The following NEFH variants were observed in gnomAD, a reference collection of about 807,000 sequenced individuals.
NEFH encodes neurofilament heavy chain.
In NEFH, 58 loss-of-function variants were observed where a neutral mutation model predicts 56.6. That is an observed-to-expected ratio of 1.03 (90% CI 0.83 to 1.28). NEFH has a LOEUF of 1.28. NEFH is among the 50% of genes most tolerant of loss of function. The pLI, the probability that NEFH is intolerant of heterozygous loss-of-function variation, is 0.00. For missense variants in NEFH, 1,221 were observed against 1,307.6 expected, an observed-to-expected ratio of 0.93 and a Z score of 1.02; for synonymous variants, 542 against 545.8, an observed-to-expected ratio of 0.99 and a Z score of 0.10.
chr22:29,483,662 A>T, intron 2 of NEFH, 88 bp downstream of exon 2: 5 of 1,283,074 alleles, frequency 3.9e-6, no homozygotes, highest in Non-Finnish European at 5.5e-6. Context: ...GTGGGGTTGT[A>T]GTGGTTAAGA....
rs986235145 is a variant in NEFH at position 29,480,857 on chromosome 22, G to A, written c.595G>A (p.Ala199Thr). Residue 199 changes from alanine (A) to threonine (T), a missense_variant, in exon 1 of 4, where the codon GCC becomes ACC. Ala to Thr is a moderately conservative substitution (Grantham distance 58, BLOSUM62 0). Around this residue, in one of 4 missense-constraint regions of NEFH, gnomAD observed 640 missense variants for 555.5 expected, o/e 1.15. Transcript: ENST00000310624. ...GCAGCGAGAGGAGGCCGAGGCGGCGGCCCGCGCGCTGGCGCGCTTCGCGCA... is the reference window on the plus strand; with the variant it reads ...GCAGCGAGAGGAGGCCGAGGCGGCGACCCGCGCGCTGGCGCGCTTCGCGCA... ...ARQREEAEAA[A>T]RALARFAQEA... The A allele has an allele frequency of 2.9e-6, 4 of 1,396,388 alleles. No individual in the cohort carries two copies. The African/African-American group carries it at 6.1e-5, about 21-fold the overall frequency. The allele number at this position is 1,396,388 out of a possible 1,614,324, so 86.5% of individuals were successfully genotyped here.
chr22:29,480,761 C>G lies in NEFH; in HGVS notation c.499C>G (p.Leu167Val). 8 of 1,448,050 alleles carry G rather than the reference C, an allele frequency of 5.5e-6. No individual in the cohort carries two copies. In the South Asian group the frequency reaches 1.1e-4, roughly 20 times the overall value. 89.7% of individuals were successfully genotyped at this position (1,448,050 alleles called of 1,614,324 possible). The change falls in exon 1 of 4, where the codon CTA becomes GTA. Residue 167 changes from leucine to valine, a missense_variant. This residue lies in a region of NEFH where 640 missense variants were observed against 555.5 expected (regional missense o/e 1.15). Transcript: ENST00000310624. ...GCGCCTGGGCGCGGCGCGCGGTCAG[C>G]TACGCCTGGAGCAGGAGCACCTGCT... The part of the protein sequence containing the change: ...VLRLGAARGQ[L>V]RLEQEHLLED...
Position 29,488,961 on chromosome 22 carries a change from G to C in NEFH, c.1321G>C (p.Glu441Gln). ...GTCCACTCACATAAAGGTGAAAAGC[G>C]AAGAGAAGATCAAAGTGGTGGAGAA... ...SVSTHIKVKS[E>Q]EKIKVVEKSE... The change falls in exon 4 of 4, where the codon GAA becomes CAA. Residue 441 changes from glutamate (E) to glutamine (Q), a missense_variant. By Grantham distance (29) the Glu-to-Gln change is conservative (BLOSUM62 2). Transcript: ENST00000310624. 6.2e-7 allele frequency: 1 copy of C among 1,614,174 alleles called. No homozygotes were observed. Among genetic ancestry groups the C allele is most frequent in the African/African-American group, 1.3e-5 (1 of 75,036 alleles).
At position 29,480,589 on chromosome 22, in the gene NEFH, C is replaced by G. The variant is rs758669150; in HGVS notation, c.327C>G (p.Ala109=). The G allele has an allele frequency of 6.4e-7, 1 of 1,559,230 alleles. No individual in the cohort carries two copies. The highest frequency in any genetic ancestry group is 1.3e-5 in the African/African-American group (1 of 74,398). ...EQLQALNDRF[A]GYIDKVRQLE... ...TGCAGGCGCTGAACGACCGCTTCGC[C>G]GGGTACATCGACAAGGTGCGGCAGC... Residue 109 remains alanine, a synonymous_variant, in exon 1 of 4, where the codon GCC becomes GCG. Transcript: ENST00000310624.
At chr22:29,485,619 G>A in intron 2 of NEFH, 104 bp from the exon 3 acceptor site, 1 of 1,457,028 alleles carries the variant, frequency 6.9e-7, no homozygotes, top group East Asian at 2.5e-5. Context: ...CAGTGAGCCT[G>A]GCTGGATGGG....
In NEFH at chr22:29,481,168, G is replaced by C. The variant is rs765145824; in HGVS notation, c.883+23G>C. On this transcript the variant is annotated intron_variant, in intron 1 of 3. Transcript: ENST00000310624. ...GAGGTACGCAGGCGCGCGGGTGGGG[G>C]GAGGGGCGCCCCTGCTGACCCCGCA... 6 of 1,516,228 alleles carry C rather than the reference G, an allele frequency of 4.0e-6. No individual in the cohort carries two copies. In the South Asian group the frequency reaches 6.0e-5, roughly 15 times the overall value. 93.9% of individuals were successfully genotyped at this position (1,516,228 alleles called of 1,614,324 possible). A position where few individuals can be genotyped will look rare whatever the true frequency, so the allele number is the denominator to read the frequency against.
chr22:29,480,949 C>T lies in NEFH; in HGVS notation c.687C>T (p.Tyr229=), dbSNP rs531610607. The T allele has an allele frequency of 6.5e-7, 1 of 1,530,198 alleles. No individual in the cohort carries two copies. The highest frequency in any genetic ancestry group is 1.2e-5 in the South Asian group (1 of 83,718). 94.8% of individuals were successfully genotyped at this position (1,530,198 alleles called of 1,614,324 possible). The change falls in exon 1 of 4, where the codon TAC becomes TAT. Residue 229 remains tyrosine (Y), a synonymous_variant. Coordinates refer to ENST00000310624, the MANE Select transcript of NEFH (RefSeq NM_021076.4). ...AGGCGCTGCAGGAGGAGTGCGGCTA[C>T]CTGCGGCGCCACCACCAGGAAGAGG... ...KAQALQEECG[Y]LRRHHQEEVG...
At chr22:29,484,377 T>G (rs920087735) in intron 2 of NEFH, among the ~76,000 whole-genome samples, 10 of 152,060 alleles carry the variant, frequency 6.6e-5, no homozygotes, top group Admixed American at 6.6e-4. Context: ...TAGTGGCTCA[T>G]GCCTGTAATC....
At position 29,481,018 on chromosome 22, in the gene NEFH, G is replaced by A; in HGVS notation, c.756G>A (p.Gln252=). The change falls in exon 1 of 4, where the codon CAG becomes CAA. Residue 252 remains glutamine, a synonymous_variant. Coordinates refer to ENST00000310624, the MANE Select transcript of NEFH (RefSeq NM_021076.4). ...LGQIQGSGAA[Q]AQMQAETRDA... Reference sequence around the variant, plus strand: ...AGATCCAGGGCTCCGGCGCCGCGCAGGCGCAGATGCAGGCCGAGACGCGCG... The same window carrying A: ...AGATCCAGGGCTCCGGCGCCGCGCAAGCGCAGATGCAGGCCGAGACGCGCG... The A allele has an allele frequency of 6.5e-7, 1 of 1,531,784 alleles. No homozygotes were observed. Among genetic ancestry groups the A allele is most frequent in the Non-Finnish European group, 8.7e-7 (1 of 1,145,490 alleles). The allele number at this position is 1,531,784 out of a possible 1,614,324, so 94.9% of individuals were successfully genotyped here.
intron 2 of NEFH, 99 bp downstream of exon 2, chr22:29,483,673 T>C (rs1004871512): frequency 8.2e-6 from 10 of 1,212,280 alleles, no homozygotes; most frequent in South Asian, 6.4e-5. Flanking sequence ...GTGGTTAAGA[T>C]TGTGGCCCTT....
chr22:29,483,726 A>G, intron 2 of NEFH, 152 bp downstream of exon 2: 1 of 625,200 alleles, frequency 1.6e-6, no homozygotes, highest in Non-Finnish European at 2.8e-6. Flanking sequence ...TGACCCTAGG[A>G]AAGTTATCTA....
In NEFH at chr22:29,480,847, C is replaced by G; in HGVS notation, c.585C>G (p.Ala195=). 1 of 1,394,424 alleles carries G rather than the reference C, an allele frequency of 7.2e-7. No homozygotes were observed. The highest frequency in any genetic ancestry group is 9.2e-7 in the Non-Finnish European group (1 of 1,086,924). The allele number at this position is 1,394,424 out of a possible 1,614,324, so 86.4% of individuals were successfully genotyped here. Residue 195 remains alanine (A), a synonymous_variant, in exon 1 of 4, where the codon GCC becomes GCG. Coordinates refer to ENST00000310624, the MANE Select transcript of NEFH (RefSeq NM_021076.4). The part of the protein sequence containing the change: ...LDDEARQREE[A]EAAARALARF... ...ACGAGGCCCGGCAGCGAGAGGAGGCCGAGGCGGCGGCCCGCGCGCTGGCGC... is the reference window on the plus strand; with the variant it reads ...ACGAGGCCCGGCAGCGAGAGGAGGCGGAGGCGGCGGCCCGCGCGCTGGCGC...
At chr22:29,482,274 A>G (rs1463784336) in intron 1 of NEFH, among the ~76,000 whole-genome samples, 4 of 152,140 alleles carry the variant, frequency 2.6e-5, no homozygotes, top group Non-Finnish European at 5.9e-5. Flanking sequence ...TGCCAGTCGT[A>G]GGGGCAGACG....
chr22:29,486,894 A>G (rs567578337), intron 3 of NEFH, among the ~76,000 whole-genome samples: 1 of 152,314 alleles, frequency 6.6e-6, no homozygotes, highest in African/African-American at 2.4e-5. Context: ...TCCCCTCCCC[A>G]GATCCAGCCA....
chr22:29,480,714 G>A lies in NEFH; in HGVS notation c.452G>A (p.Arg151His), dbSNP rs1213661506. The change falls in exon 1 of 4, where the codon CGC becomes CAC. Residue 151 changes from arginine (R) to histidine (H), a missense_variant. By Grantham distance (29) the Arg-to-His change is conservative (BLOSUM62 0). This residue lies in a region of NEFH where 640 missense variants were observed against 555.5 expected (regional missense o/e 1.15). Transcript: ENST00000310624. Reference sequence around the variant, plus strand: ...GGCGAGCTGTACGAGCGCGAGGTCCGCGAGATGCGCGGCGCGGTGCTGCGC... The same window carrying A: ...GGCGAGCTGTACGAGCGCGAGGTCCACGAGATGCGCGGCGCGGTGCTGCGC... Reference protein sequence around the residue: ...AMGELYEREVREMRGAVLRLG... With the variant: ...AMGELYEREVHEMRGAVLRLG... 1 of 1,512,662 alleles carries A rather than the reference G, an allele frequency of 6.6e-7. No homozygotes were observed. Among genetic ancestry groups the A allele is most frequent in the Middle Eastern group, 2.3e-4 (1 of 4,272 alleles). 93.7% of individuals were successfully genotyped at this position (1,512,662 alleles called of 1,614,324 possible).
At chr22:29,481,216 C>T (rs1474258062) in intron 1 of NEFH, 71 bp downstream of exon 1, 6 of 1,448,820 alleles carry the variant, frequency 4.1e-6, no homozygotes, top group East Asian at 2.5e-5. Flanking sequence ...GCTGCGTGAC[C>T]CAAGGGGGCG....
chr22:29,490,278 C>A lies in NEFH; in HGVS notation c.2638C>A (p.Pro880Thr). The A allele has an allele frequency of 6.2e-7, 1 of 1,612,502 alleles. No individual in the cohort carries two copies. Among genetic ancestry groups the A allele is most frequent in the Non-Finnish European group, 8.5e-7 (1 of 1,179,328 alleles). Residue 880 changes from proline to threonine, a missense_variant, in exon 4 of 4, where the codon CCT becomes ACT. By Grantham distance (38) the Pro-to-Thr change is conservative. Coordinates refer to ENST00000310624, the MANE Select transcript of NEFH (RefSeq NM_021076.4). ...GCCCAAGGTGGAGGAGAAGAAGGAA[C>A]CTGCTGTCGAAAAGCCCAAAGAATC... is the stretch of plus-strand genomic sequence containing the variant. ...PKPKVEEKKE[P>T]AVEKPKESKV...
intron 3 of NEFH, among the ~76,000 whole-genome samples, chr22:29,488,177 A>G (rs2063054642): frequency 6.6e-6 from 1 of 152,182 alleles, no homozygotes; most frequent in African/African-American, 2.4e-5. Flanking sequence ...AGCCTGACCA[A>G]TATGGTGAAA....
At chr22:29,488,254 C>T (rs1251877162) in intron 3 of NEFH, among the ~76,000 whole-genome samples, 1 of 152,136 alleles carries the variant, frequency 6.6e-6, no homozygotes, top group African/African-American at 2.4e-5. Flanking sequence ...CTCCCAGCTA[C>T]TCAGTAGGCT....
Sources: allele counts gnomAD v4.1 joint callset (sites outside exome capture counted in the v4.1 genomes callset), GRCh38; gene constraint gnomAD v4.1.1; regional missense constraint gnomAD v4.1.1; transcripts MANE v1.5; gene names NCBI Gene and HGNC (gene_info 2026-07-23, HGNC 2026-07-21).